The following DST variants were observed in gnomAD, a reference collection of about 807,000 sequenced individuals.
DST encodes dystonin, also known as bullous pemphigoid antigen.
Under a neutral mutation model 875.2 loss-of-function variants are expected in DST, and 253 were observed. That is an observed-to-expected ratio of 0.29 (90% CI 0.26 to 0.32). The LOEUF (loss-of-function observed/expected upper bound fraction) is 0.32. Among genes scored for constraint, DST ranks in the 10% least tolerant of loss-of-function variants. The pLI is 1.00. For missense variants in DST, 8,287 were observed against 9,111.6 expected, an observed-to-expected ratio of 0.91 and a Z score of 3.68; for synonymous variants, 3,124 against 3,197.1, an observed-to-expected ratio of 0.98 and a Z score of 0.77.
intron 4 of DST, among the ~76,000 whole-genome samples, chr6:56,787,221 A>G (rs2099707079): frequency 6.6e-6 from 1 of 152,220 alleles, no homozygotes; most frequent in African/African-American, 2.4e-5. Context: ...AGTTGGTAGG[A>G]TAGACTCTGC....
intron 4 of DST, among the ~76,000 whole-genome samples, chr6:56,816,718 G>C (rs979329909): frequency 1.3e-4 from 20 of 152,060 alleles, no homozygotes; most frequent in African/African-American, 4.6e-4. Flanking sequence ...AAGCCTCAAA[G>C]TTCGCAGTCG....
chr6:56,630,512 T>A, intron 30 of DST, 129 bp from the exon 31 acceptor site: 1 of 843,280 alleles, frequency 1.2e-6, no homozygotes, highest in East Asian at 2.7e-5. Context: ...ACATTTACTA[T>A]GAAACTGACA....
Position 56,509,668 on chromosome 6 carries a change from C to T in DST, c.18986G>A (p.Gly6329Glu), listed in dbSNP as rs780553834. The change falls in exon 74 of 104, where the codon GGG (glycine) becomes GAG (glutamate). Residue 6329 changes from glycine (G) to glutamate (E), a missense_variant. Gly to Glu is a moderately conservative substitution (Grantham distance 98). Transcript: ENST00000680361. ...TTTGGCAGATATGTCTTTATCAGTC[C>T]CCCCAGATCTAGCAATCATTTCCTC... Reference protein sequence around the residue: ...RGEEMIARSGGTDKDISAKAV... With the variant: ...RGEEMIARSGETDKDISAKAV... 1.1e-5 allele frequency: 17 copies of T among 1,613,146 alleles called. 1 individual carries two copies. The South Asian group carries it at 1.4e-4, about 14-fold the overall frequency.
intron 4 of DST, among the ~76,000 whole-genome samples, chr6:56,782,690 AT>A (rs1313610609): frequency 6.6e-6 from 1 of 151,930 alleles, no homozygotes; most frequent in Non-Finnish European, 1.5e-5. Context: ...GGATTCATTA[AT>A]TTTTTGAAGG....
intron 2 of DST, among the ~76,000 whole-genome samples, chr6:56,909,576 T>C (rs1281707329): frequency 6.6e-6 from 1 of 152,216 alleles, no homozygotes; most frequent in African/African-American, 2.4e-5. Flanking sequence ...AATGAGTATA[T>C]ATTTGCTATA....
At chr6:56,648,185 C>A (rs978711186) in intron 13 of DST, among the ~76,000 whole-genome samples, 4 of 152,068 alleles carry the variant, frequency 2.6e-5, no homozygotes, top group African/African-American at 9.7e-5. Flanking sequence ...TTTAACAGGG[C>A]TCAACCACAG....
At chr6:56,459,351 C>G in intron 103 of DST, 84 bp from the exon 104 acceptor site, 8 of 1,425,244 alleles carry the variant, frequency 5.6e-6, no homozygotes, top group East Asian at 2.4e-5. Context: ...CACCTTTAAT[C>G]TTAACTTTTT....
Position 56,640,349 on chromosome 6 carries a change from C to T in DST, c.2284G>A (p.Val762Ile), listed in dbSNP as rs776687521. Residue 762 changes from valine to isoleucine, a missense_variant, in exon 18 of 104, where the codon GTC (valine) becomes ATC (isoleucine). Val to Ile is a conservative substitution (Grantham distance 29, BLOSUM62 3). Coordinates refer to ENST00000680361, the MANE Select transcript of DST (RefSeq NM_001374736.1). ...AAACCAGGTGTATAAGCTGGAGTGACAGATGGAGTCAGGCGGGAAGTCATC... is the reference window on the plus strand; with the variant it reads ...AAACCAGGTGTATAAGCTGGAGTGATAGATGGAGTCAGGCGGGAAGTCATC... ...SGMTSRLTPSVTPAYTPGFPS... is the reference protein window; with the variant it reads ...SGMTSRLTPSITPAYTPGFPS... The T allele has an allele frequency of 6.2e-7, 1 of 1,614,120 alleles. No individual in the cohort carries two copies. The highest frequency in any genetic ancestry group is 8.5e-7 in the Non-Finnish European group (1 of 1,180,018).
At chr6:56,579,044 A>G in intron 49 of DST, 107 bp from the exon 50 acceptor site, 1 of 981,408 alleles carries the variant, frequency 1.0e-6, no homozygotes, top group Non-Finnish European at 1.4e-6. Context: ...GACAGAATAA[A>G]CTTTTCATCA....
chr6:56,552,745 G>A lies in DST; in HGVS notation c.16047C>T (p.Thr5349=), dbSNP rs370841140. ...LVVEASDSKG[T]SDVLLQVETI... ...TTTCCACTTGTAATAAAACATCAGA[G>A]GTTCCCTTTGAGTCTGAGGCCTCTA... Residue 5349 remains threonine, a synonymous_variant, in exon 61 of 104, where the codon ACC becomes ACT. Coordinates refer to ENST00000680361, the MANE Select transcript of DST (RefSeq NM_001374736.1). The A allele has an allele frequency of 1.9e-6, 3 of 1,611,252 alleles. No homozygotes were observed. Among genetic ancestry groups the A allele is most frequent in the Non-Finnish European group, 2.5e-6 (3 of 1,179,846 alleles).
At chr6:56,598,088 A>C in intron 46 of DST, 82 bp from the exon 47 acceptor site, 1 of 1,309,160 alleles carries the variant, frequency 7.6e-7, no homozygotes, top group Non-Finnish European at 1.0e-6. Flanking sequence ...AAATACTTAG[A>C]ACATTTTAAA....
At chr6:56,782,270 A>G (rs1015561597) in intron 4 of DST, among the ~76,000 whole-genome samples, 26 of 152,036 alleles carry the variant, frequency 1.7e-4, no homozygotes, top group Admixed American at 1.3e-3. Context: ...CTCTTTTTCT[A>G]TTGATTGGAC....
intron 3 of DST, among the ~76,000 whole-genome samples, chr6:56,894,956 G>C (rs1157558024): frequency 4.2e-5 from 4 of 94,738 alleles, no homozygotes; most frequent in Non-Finnish European, 8.1e-5. Context: ...TCACCTCCCG[G>C]ACGGGGCGGC....
chr6:56,464,810 GA>G (rs2094502655), intron 99 of DST, 54 bp from the exon 100 acceptor site: 1 of 1,366,366 alleles, frequency 7.3e-7, no homozygotes, highest in Non-Finnish European at 1.0e-6. Context: ...GTTAGCAGAA[GA>G]AGAAACAAAG....
rs777417829 is a variant in DST, at chr6:56,630,400, A to C, written c.4143-17T>G. 7.6e-5 allele frequency: 122 copies of C among 1,608,638 alleles called. No homozygotes were observed. The highest frequency in any genetic ancestry group is 9.9e-5 in the Non-Finnish European group (117 of 1,177,382). The stretch of plus-strand genomic sequence containing the variant: ...GTTTTCAACCTTAAAAAGGAAATTA[A>C]ACAATAGCCACCTATGGTTAAATGT... On this transcript the variant is annotated splice_polypyrimidine_tract_variant and intron_variant, in intron 30 of 103. Transcript: ENST00000680361.
rs758024799 is a variant in DST, at chr6:56,511,202, T to C, written c.18775A>G (p.Thr6259Ala). The change falls in exon 73 of 104, where the codon ACT becomes GCT. Residue 6259 changes from threonine to alanine, a missense_variant. Thr to Ala is a moderately conservative substitution (Grantham distance 58, BLOSUM62 0). Transcript: ENST00000680361. Reference protein sequence around the residue: ...VALDEAISQSTQFHDKIDQIL... With the variant: ...VALDEAISQSAQFHDKIDQIL... ...TATCTAGTGTAAACAATTACCTGAG[T>C]TGATTGAGAAATGGCTTCATCCAGT... is the stretch of plus-strand genomic sequence containing the variant. 3.8e-6 allele frequency: 6 copies of C among 1,577,530 alleles called. No individual in the cohort carries two copies. The highest frequency in any genetic ancestry group is 1.2e-5 in the South Asian group (1 of 86,200).
chr6:56,834,208 AGAGT>A (rs2099790763), intron 4 of DST, among the ~76,000 whole-genome samples: 1 of 152,204 alleles, frequency 6.6e-6, no homozygotes, highest in South Asian at 2.1e-4. Flanking sequence ...TCTGGGTGAC[AGAGT>A]GAGACCATGT....
chr6:56,707,141 T>C (rs539125818), intron 5 of DST, among the ~76,000 whole-genome samples: 1 of 152,316 alleles, frequency 6.6e-6, no homozygotes, highest in Non-Finnish European at 1.5e-5. Context: ...GGCCACTTCC[T>C]AACAGGCCAT....
chr6:56,657,986 G>A (rs758199599), intron 10 of DST, among the ~76,000 whole-genome samples: 1 of 151,848 alleles, frequency 6.6e-6, no homozygotes, highest in Non-Finnish European at 1.5e-5. Context: ...GGCTGGTCTC[G>A]AACCCCTGAC....
Sources: gnomAD v4.1 joint callset for allele counts (sites outside exome capture counted in the v4.1 genomes callset) on GRCh38, gnomAD v4.1.1 for gene constraint, MANE v1.5 for transcripts, NCBI Gene and HGNC (gene_info 2026-07-23, HGNC 2026-07-21) for gene names.